Variants in FKBP10 observed in about 807,000 individuals in gnomAD.
The protein encoded by FKBP10 is peptidyl-prolyl cis-trans isomerase FKBP10.
A neutral mutation model predicts 53.7 loss-of-function variants in FKBP10; 34 were observed. The observed-to-expected ratio is 0.63, with a 90% CI of 0.48 to 0.84. FKBP10 has a LOEUF of 0.84. Among genes scored for constraint, FKBP10 ranks in the 40% least tolerant of loss-of-function variants. The probability of loss-of-function intolerance (pLI) is 0.00; values close to 1 mark genes in which losing one functional copy is unlikely to be tolerated. For missense variants in FKBP10, 748 were observed against 797.8 expected (o/e 0.94, Z 0.75); for synonymous variants, 324 against 335.7 (o/e 0.97, Z 0.38).
chr17:41,818,060 G>C, intron 2 of FKBP10, 29 bp from the exon 3 acceptor site: 2 of 1,567,924 alleles, frequency 1.3e-6, no homozygotes, highest in Non-Finnish European at 1.7e-6. Context: ...GCAGAACTCT[G>C]AGACCTCCAC....
rs1555617455 is a variant in FKBP10, at chr17:41,822,747, GTTA to G, written c.*341_*343del. 7.4e-6 allele frequency: 3 copies of G among 404,148 alleles called. No homozygotes were observed. Among genetic ancestry groups the G allele is most frequent in the Non-Finnish European group, 1.4e-5 (3 of 214,380 alleles). The allele number at this position is 404,148 out of a possible 1,614,324, so 25.0% of individuals were successfully genotyped here. A position where few individuals can be genotyped will look rare whatever the true frequency, so the allele number is the denominator to read the frequency against. ...CCACATCACTGACACAGCTGAGCTT[GTTA>G]TCCATCTCCCCAAACTTTCTCTTTC... is the stretch of plus-strand genomic sequence containing the variant. On this transcript the variant is annotated 3_prime_UTR_variant, in exon 10 of 10. Transcript: ENST00000321562.
Position 41,821,023 on chromosome 17 carries a change from G to A in FKBP10, c.1333G>A (p.Gly445Ser). Residue 445 changes from glycine (G) to serine (S), a missense_variant, in exon 8 of 10, where the codon GGC (glycine) becomes AGC (serine). By Grantham distance (56) the Gly-to-Ser change is moderately conservative. Coordinates refer to ENST00000321562, the MANE Select transcript of FKBP10 (RefSeq NM_021939.4). ...VIEGLDTGLQGMCVGERRQLI... is the reference protein window; with the variant it reads ...VIEGLDTGLQSMCVGERRQLI... ...CGAAGGCCTGGACACGGGCCTGCAG[G>A]GCATGTGTGTGGGAGAGAGGCGGCA... is the stretch of plus-strand genomic sequence containing the variant. 5.0e-6 allele frequency: 8 copies of A among 1,603,156 alleles called. No individual in the cohort carries two copies. The highest frequency in any genetic ancestry group is 6.8e-6 in the Non-Finnish European group (8 of 1,175,086).
chr17:41,820,329 A>ATGT lies in FKBP10; in HGVS notation c.1124_1125insTGT (p.Asn375_Pro376insVal), dbSNP rs782416650. The ATGT allele has an allele frequency of 2.5e-6, 4 of 1,614,026 alleles. No homozygotes were observed. In the South Asian group the frequency reaches 4.4e-5, roughly 18 times the overall value. The stretch of plus-strand genomic sequence containing the variant: ...AACGTCCATGTCATTGACTTCCACA[A>ATGT]CCCTGCGGATGTGGTGGAAATCAGG... On this transcript the variant is annotated inframe_insertion, in exon 7 of 10. Coordinates refer to ENST00000321562, the MANE Select transcript of FKBP10 (RefSeq NM_021939.4).
At chr17:41,820,562 C>T (rs1168153173) in intron 7 of FKBP10, 101 bp downstream of exon 7, 7 of 1,254,944 alleles carry the variant, frequency 5.6e-6, no homozygotes, top group South Asian at 3.7e-5. Context: ...TCTTGGTCCT[C>T]GAGCGCCAGG....
Position 41,822,407 on chromosome 17 carries a change from G to A in FKBP10, c.1748G>A (p.Ter583=), listed in dbSNP as rs1555617401. The change falls in exon 10 of 10, where the codon TGA becomes TAA. Residue 583 remains the stop codon, a stop_retained_variant. Coordinates refer to ENST00000321562, the MANE Select transcript of FKBP10 (RefSeq NM_021939.4). The part of the protein sequence containing the change: ...EDEERVHEEL[*] ...GAGGAGCGGGTCCACGAGGAGCTCTGAGGGGCAGGGAGCCTGGCCAGGCCT... is the reference window on the plus strand; with the variant it reads ...GAGGAGCGGGTCCACGAGGAGCTCTAAGGGGCAGGGAGCCTGGCCAGGCCT... 2 of 1,600,122 alleles carry A rather than the reference G, an allele frequency of 1.2e-6. No homozygotes were observed. Among genetic ancestry groups the A allele is most frequent in the Non-Finnish European group, 8.5e-7 (1 of 1,173,244 alleles).
At chr17:41,815,979 A>G (rs2047810537) in intron 1 of FKBP10, among the ~76,000 whole-genome samples, 1 of 151,272 alleles carries the variant, frequency 6.6e-6, no homozygotes, top group East Asian at 2.1e-4. Flanking sequence ...TACTAAAAAT[A>G]CAAAAATTAG....
At position 41,822,617 on chromosome 17, in the gene FKBP10, C is replaced by T. The variant is rs2047907285; in HGVS notation, c.*209C>T. ...GACCTCTACCGTGTTTCTCTTCCAT[C>T]CCTAAACCACTTCCTTAAAATGTTT... is the stretch of plus-strand genomic sequence containing the variant. On this transcript the variant is annotated 3_prime_UTR_variant, in exon 10 of 10. Coordinates refer to ENST00000321562, the MANE Select transcript of FKBP10 (RefSeq NM_021939.4). 1.9e-5 allele frequency: 12 copies of T among 628,560 alleles called. No individual in the cohort carries two copies. In the South Asian group the frequency reaches 2.3e-4, roughly 12 times the overall value. The allele number at this position is 628,560 out of a possible 1,614,324, so 38.9% of individuals were successfully genotyped here.
intron 6 of FKBP10, chr17:41,820,004 A>G (rs1555616761): frequency 6.6e-7 from 1 of 1,507,564 alleles, no homozygotes; most frequent in East Asian, 2.5e-5. Context: ...TCAAGTGGGC[A>G]AGCCATGCTG....
intron 9 of FKBP10, 61 bp from the exon 10 acceptor site, chr17:41,822,162 C>T (rs2047900377): frequency 6.5e-7 from 1 of 1,536,500 alleles, no homozygotes; most frequent in South Asian, 1.2e-5. Context: ...CACCCGGGGC[C>T]CCTGCCCCTC....
Position 41,820,610 on chromosome 17 carries a change from A to G in FKBP10, c.1256+149A>G. On this transcript the variant is annotated intron_variant, in intron 7 of 9. Coordinates refer to ENST00000321562, the MANE Select transcript of FKBP10 (RefSeq NM_021939.4). The stretch of plus-strand genomic sequence containing the variant: ...CTCTTGCTGCTTTCTGTAAGTCCCC[A>G]TCTCGGAGCATGTCGAGGAGATGAA... The G allele has an allele frequency of 4.9e-6, 4 of 822,840 alleles. No individual in the cohort carries two copies. In the South Asian group the frequency reaches 6.4e-5, roughly 13 times the overall value. The allele number at this position is 822,840 out of a possible 1,614,324, so 51.0% of individuals were successfully genotyped here. A position where few individuals can be genotyped will look rare whatever the true frequency, so the allele number is the denominator to read the frequency against.
intron 1 of FKBP10, among the ~76,000 whole-genome samples, chr17:41,815,019 G>A (rs1386708953): frequency 6.6e-6 from 1 of 152,190 alleles, no homozygotes; most frequent in African/African-American, 2.4e-5. Flanking sequence ...CCAGGTTCAC[G>A]TGATTCTCCT....
chr17:41,814,538 G>T (rs2047791200), intron 1 of FKBP10, among the ~76,000 whole-genome samples: 1 of 152,198 alleles, frequency 6.6e-6, no homozygotes, highest in Non-Finnish European at 1.5e-5. Context: ...TTAATGCAGA[G>T]CTTAAGCCTT....
rs2047874147 is a variant in FKBP10 at position 41,820,317 on chromosome 17, T to C, written c.1112T>C (p.Ile371Thr). The change falls in exon 7 of 10, where the codon ATT becomes ACT. Residue 371 changes from isoleucine (I) to threonine (T), a missense_variant. Coordinates refer to ENST00000321562, the MANE Select transcript of FKBP10 (RefSeq NM_021939.4). Reference protein sequence around the residue: ...SAVLIFNVHVIDFHNPADVVE... With the variant: ...SAVLIFNVHVTDFHNPADVVE... ...GTGCTAATCTTCAACGTCCATGTCA[T>C]TGACTTCCACAACCCTGCGGATGTG... 2 of 1,614,112 alleles carry C rather than the reference T, an allele frequency of 1.2e-6. No homozygotes were observed. The highest frequency in any genetic ancestry group is 1.7e-6 in the Non-Finnish European group (2 of 1,180,058).
intron 4 of FKBP10, 197 bp from the exon 5 acceptor site, chr17:41,819,013 A>T: frequency 1.6e-6 from 1 of 607,468 alleles, no homozygotes; most frequent in Non-Finnish European, 2.9e-6. Flanking sequence ...AAGGCTCAGT[A>T]TGAGCCGGTG....
chr17:41,819,681 G>A lies in FKBP10; in HGVS notation c.1063+6G>A, dbSNP rs1555616698. 6.3e-7 allele frequency: 1 copy of A among 1,594,704 alleles called. No homozygotes were observed. The highest frequency in any genetic ancestry group is 8.5e-7 in the Non-Finnish European group (1 of 1,171,090). ...CTATGGGGAGAATGGAACTGGTAGGGGCGTTCCCCAGCCACCACCTCAGCT... is the reference window on the plus strand; with the variant it reads ...CTATGGGGAGAATGGAACTGGTAGGAGCGTTCCCCAGCCACCACCTCAGCT... On this transcript the variant is annotated splice_donor_region_variant and intron_variant, in intron 6 of 9. Transcript: ENST00000321562.
Position 41,819,405 on chromosome 17 carries a change from G to A in FKBP10, c.917+6G>A, listed in dbSNP as rs782804752. The A allele has an allele frequency of 6.2e-7, 1 of 1,607,358 alleles. No individual in the cohort carries two copies. The highest frequency in any genetic ancestry group is 8.5e-7 in the Non-Finnish European group (1 of 1,174,352). On this transcript the variant is annotated splice_donor_region_variant and intron_variant, in intron 5 of 9. Transcript: ENST00000321562. ...GGCACCCTCTTCGATTCCAGGTCAG[G>A]AGGGTCTTGAGGTGGGAGGGCGGGG...
chr17:41,817,160 C>G lies in FKBP10; in HGVS notation c.348C>G (p.Arg116=), dbSNP rs781936464. ...GCATGTGTGTCAACGAGCGGCGACG[C>G]CTCATTGTGCCTCCCCACCTGGGCT... ...LMGMCVNERR[R]LIVPPHLGYG... is the part of the protein sequence containing the mutation. Residue 116 remains arginine (R), a synonymous_variant, in exon 2 of 10, where the codon CGC becomes CGG. Coordinates refer to ENST00000321562, the MANE Select transcript of FKBP10 (RefSeq NM_021939.4). 1 of 1,613,894 alleles carries G rather than the reference C, an allele frequency of 6.2e-7. No homozygotes were observed. Among genetic ancestry groups the G allele is most frequent in the African/African-American group, 1.3e-5 (1 of 74,940 alleles).
In FKBP10 at chr17:41,816,980, C is replaced by T; in HGVS notation, c.246-78C>T. 1.9e-6 allele frequency: 3 copies of T among 1,603,946 alleles called. 1 individual carries two copies. On this transcript the variant is annotated intron_variant, in intron 1 of 9. Coordinates refer to ENST00000321562, the MANE Select transcript of FKBP10 (RefSeq NM_021939.4). ...GGGATTGTGTGCGTGTGTGCAGGCA[C>T]ACCTGTGCATCTGTGCCACCATGGG...
chr17:41,820,465 G>T lies in FKBP10; in HGVS notation c.1256+4G>T. The T allele has an allele frequency of 6.2e-7, 1 of 1,613,538 alleles. No homozygotes were observed. The highest frequency in any genetic ancestry group is 8.5e-7 in the Non-Finnish European group (1 of 1,179,994). On this transcript the variant is annotated splice_donor_region_variant and intron_variant, in intron 7 of 9. Coordinates refer to ENST00000321562, the MANE Select transcript of FKBP10 (RefSeq NM_021939.4). Reference sequence around the variant, plus strand: ...ACGGCACCCAGCTGTTCACCTCGTGGGTCCGGGGGGGGGCCGGGACTGGGC... The same window carrying T: ...ACGGCACCCAGCTGTTCACCTCGTGTGTCCGGGGGGGGGCCGGGACTGGGC...
Sources: gnomAD v4.1 joint callset for allele counts (sites outside exome capture counted in the v4.1 genomes callset) on GRCh38, gnomAD v4.1.1 for gene constraint, MANE v1.5 for transcripts, NCBI Gene and HGNC (gene_info 2026-07-23, HGNC 2026-07-21) for gene names.